Variants in MYO5A observed in about 807,000 individuals in gnomAD.
The protein encoded by MYO5A is myosin VA.
Under a neutral mutation model 249.7 loss-of-function variants are expected in MYO5A, and 98 were observed. That is an observed-to-expected ratio of 0.39 (90% CI 0.33 to 0.46). The LOEUF (loss-of-function observed/expected upper bound fraction) is 0.46. Ranked by LOEUF, MYO5A falls within the 20% of genes least tolerant of loss-of-function variation. MYO5A has a pLI of 0.98. For missense variants in MYO5A, 1,696 were observed against 2,308.8 expected (o/e 0.73, Z 5.44); for synonymous variants, 778 against 810.6 (o/e 0.96, Z 0.68).
At chr15:52,423,771 C>A (rs773823377) in intron 4 of MYO5A, among the ~76,000 whole-genome samples, 41 of 151,996 alleles carry the variant, frequency 2.7e-4, no homozygotes, top group Admixed American at 5.9e-4. Context: ...CAAAACAACC[C>A]TTCAGTTAAG....
chr15:52,313,872 A>G (rs750450854), intron 41 of MYO5A, 24 bp from the exon 42 acceptor site: 2 of 1,612,834 alleles, frequency 1.2e-6, no homozygotes, highest in South Asian at 2.2e-5. Context: ...GAAAAAAAAT[A>G]AACAGAGCAT....
intron 1 of MYO5A, among the ~76,000 whole-genome samples, chr15:52,486,619 A>G (rs2076826282): frequency 6.6e-6 from 1 of 152,212 alleles, no homozygotes; most frequent in African/African-American, 2.4e-5. Flanking sequence ...TTGTTTTAAT[A>G]TTGTTGTCAC....
Position 52,528,791 on chromosome 15 carries a change from G to A in MYO5A, c.16C>T (p.Leu6Phe). 6.7e-7 allele frequency: 1 copy of A among 1,495,860 alleles called. No individual in the cohort carries two copies. Among genetic ancestry groups the A allele is most frequent in the Non-Finnish European group, 8.9e-7 (1 of 1,129,198 alleles). 92.7% of individuals were successfully genotyped at this position (1,495,860 alleles called of 1,614,324 possible). The stretch of plus-strand genomic sequence containing the variant: ...GCGGGGTGCCTTACCTTTGTGTAGA[G>A]CTCCGACGCAGCCATGGCGGGCCCC... MAASELYTKFARVWIP... is the reference protein window; with the variant it reads MAASEFYTKFARVWIP... The change falls in exon 1 of 42, where the codon CTC (leucine) becomes TTC (phenylalanine). Residue 6 changes from leucine (L) to phenylalanine (F), a missense_variant. Physicochemically the swap from Leu to Phe is conservative, Grantham distance 22 (BLOSUM62 0). Transcript: ENST00000399233.
At chr15:52,329,759 G>C (rs2038783001) in intron 35 of MYO5A, among the ~76,000 whole-genome samples, 1 of 152,048 alleles carries the variant, frequency 6.6e-6, no homozygotes, top group Non-Finnish European at 1.5e-5. Flanking sequence ...TTATTTTTGA[G>C]AAAGACTCTT....
chr15:52,347,291 C>T (rs2141008614), intron 29 of MYO5A, among the ~76,000 whole-genome samples: 2 of 152,190 alleles, frequency 1.3e-5, no homozygotes, highest in Admixed American at 1.3e-4. Context: ...ACACATGGAA[C>T]TATGTAACAA....
intron 14 of MYO5A, among the ~76,000 whole-genome samples, chr15:52,384,702 A>G (rs900894101): frequency 6.6e-6 from 1 of 152,362 alleles, no homozygotes; most frequent in Admixed American, 6.5e-5. Flanking sequence ...AAACTGTTTT[A>G]GCATCAGGTG....
intron 25 of MYO5A, among the ~76,000 whole-genome samples, chr15:52,358,714 C>T (rs557642781): frequency 4.6e-5 from 7 of 152,070 alleles, no homozygotes; most frequent in Admixed American, 1.3e-4. Flanking sequence ...TGAGGCACTC[C>T]GACCACCACC....
At chr15:52,375,592 A>G in intron 19 of MYO5A, 132 bp from the exon 20 acceptor site, 1 of 945,876 alleles carries the variant, frequency 1.1e-6, no homozygotes, top group Non-Finnish European at 1.6e-6. Flanking sequence ...AATAATGTGC[A>G]TGCTAAGTCA....
At chr15:52,464,335 T>C (rs1395341385) in intron 1 of MYO5A, among the ~76,000 whole-genome samples, 1 of 152,236 alleles carries the variant, frequency 6.6e-6, no homozygotes, top group Non-Finnish European at 1.5e-5. Context: ...CAGCCTTCTG[T>C]TGTTCCTAGA....
At chr15:52,520,800 C>A (rs1167107326) in intron 1 of MYO5A, among the ~76,000 whole-genome samples, 1 of 152,176 alleles carries the variant, frequency 6.6e-6, no homozygotes, top group African/African-American at 2.4e-5. Context: ...TGATGAGTTT[C>A]AGAAATGTAA....
In MYO5A at chr15:52,443,666, C is replaced by T. The variant is rs1225676448; in HGVS notation, c.28-10381G>A. ...GAGGTTGCAGTGAGCTGAGACTGGG[C>T]CACTGCACTTTAGCCTGGGCGACAG... On this transcript the variant is annotated intron_variant, in intron 1 of 41. Transcript: ENST00000399233. 2.0e-5 allele frequency among the ~76,000 whole-genome samples: 3 copies of T among 149,838 alleles called. No individual in the cohort carries two copies. In the Admixed American group the frequency reaches 2.0e-4, roughly 10 times the overall value.
At chr15:52,452,387 C>T (rs1346489282) in intron 1 of MYO5A, among the ~76,000 whole-genome samples, 1 of 152,150 alleles carries the variant, frequency 6.6e-6, no homozygotes, top group African/African-American at 2.4e-5. Flanking sequence ...ACTTCCCTGC[C>T]ACCTTGGGTT....
intron 1 of MYO5A, among the ~76,000 whole-genome samples, chr15:52,475,043 TA>T (rs1239613156): frequency 6.6e-6 from 1 of 152,210 alleles, no homozygotes; most frequent in Admixed American, 6.5e-5. Context: ...GGTAGGCTAT[TA>T]ATTATTGCCT....
At chr15:52,482,346 T>C (rs554103548) in intron 1 of MYO5A, among the ~76,000 whole-genome samples, 1 of 152,342 alleles carries the variant, frequency 6.6e-6, no homozygotes, top group Non-Finnish European at 1.5e-5. Flanking sequence ...TCCTGGTAGT[T>C]GTTTTTTGTG....
At chr15:52,346,271 G>T in intron 30 of MYO5A, 90 bp downstream of exon 30, 1 of 783,060 alleles carries the variant, frequency 1.3e-6, no homozygotes, top group Non-Finnish European at 2.2e-6. Context: ...ATAAAGGAAT[G>T]TATGAACACT....
At chr15:52,525,066 T>C (rs1566884048) in intron 1 of MYO5A, among the ~76,000 whole-genome samples, 2 of 152,138 alleles carry the variant, frequency 1.3e-5, no homozygotes, top group Admixed American at 6.6e-5. Context: ...GAATTGCTTC[T>C]AGTTACCAAA....
chr15:52,323,720 C>G (rs1596286256), intron 36 of MYO5A: 2 of 367,528 alleles, frequency 5.4e-6, no homozygotes, highest in African/African-American at 4.2e-5. Flanking sequence ...AAAAATTCAC[C>G]CGGCTGGGCG....
chr15:52,384,151 C>T lies in MYO5A; in HGVS notation c.1914+10G>A, dbSNP rs1237926382. On this transcript the variant is annotated intron_variant, in intron 15 of 41. Transcript: ENST00000399233. ...GAAGGAGCGTGGCAGCGGCAGCTCC[C>T]TGAACTCACCTGATGCCCCACTGTT... The T allele has an allele frequency of 1.9e-6, 3 of 1,613,964 alleles. No individual in the cohort carries two copies. Among genetic ancestry groups the T allele is most frequent in the Non-Finnish European group, 2.5e-6 (3 of 1,179,986 alleles).
rs1261083225 is a variant in MYO5A at position 52,337,793 on chromosome 15, A to T, written c.4314+17T>A. On this transcript the variant is annotated intron_variant, in intron 33 of 41. Coordinates refer to ENST00000399233, the MANE Select transcript of MYO5A (RefSeq NM_001382347.1). ...TAGCAAGGGAAGACAGCAGAAAAGCACTATGGTTTTACATACAATCATCCG... is the reference window on the plus strand; with the variant it reads ...TAGCAAGGGAAGACAGCAGAAAAGCTCTATGGTTTTACATACAATCATCCG... 6.6e-7 allele frequency: 1 copy of T among 1,516,336 alleles called. No homozygotes were observed. The highest frequency in any genetic ancestry group is 1.4e-5 in the African/African-American group (1 of 72,350). The allele number at this position is 1,516,336 out of a possible 1,614,324, so 93.9% of individuals were successfully genotyped here. A position where few individuals can be genotyped will look rare whatever the true frequency, so the allele number is the denominator to read the frequency against.
Sources: gnomAD v4.1 joint callset for allele counts (sites outside exome capture counted in the v4.1 genomes callset) on GRCh38, gnomAD v4.1.1 for gene constraint, MANE v1.5 for transcripts, NCBI Gene and HGNC (gene_info 2026-07-23, HGNC 2026-07-21) for gene names.